Variants in ADARB1 observed in about 807,000 individuals in gnomAD.
ADARB1 encodes the protein double-stranded RNA-specific editase 1.
A neutral mutation model predicts 52.4 loss-of-function variants in ADARB1; 10 were observed. The ratio of observed to expected loss-of-function variants is 0.19; its 90% CI spans 0.12 to 0.32. ADARB1 has a LOEUF of 0.32. Among genes scored for constraint, ADARB1 ranks in the 10% least tolerant of loss-of-function variants. The pLI, the probability that ADARB1 is intolerant of heterozygous loss-of-function variation, is 1.00. For missense variants in ADARB1, 643 were observed against 922.3 expected (o/e 0.70, Z 3.92); for synonymous variants, 349 against 371.1 (o/e 0.94, Z 0.68).
chr21:45,085,229 C>T (rs1375556379), intron 1 of ADARB1, among the ~76,000 whole-genome samples: 2 of 152,198 alleles, frequency 1.3e-5, no homozygotes, highest in Non-Finnish European at 2.9e-5. Context: ...TGCACCCTGG[C>T]TGTGAGAACA....
In ADARB1 at chr21:45,116,114, G is replaced by T. The variant is rs144245800; in HGVS notation, c.-219-12288G>T. On this transcript the variant is annotated intron_variant, in intron 1 of 10. Coordinates refer to ENST00000348831, the MANE Select transcript of ADARB1 (RefSeq NM_001112.4). ...GCTTTCGGGGATGCTGATTAAGGTG[G>T]TATCTGCTGTGCCTCTCTCAGTGTC... Among the ~76,000 whole-genome samples the T allele has an allele frequency of 3.4e-3, 519 of 152,334 alleles. 1 individual carries two copies. The highest frequency in any genetic ancestry group is 5.9e-3 in the Non-Finnish European group (404 of 68,034).
At chr21:45,170,419 G>T (rs1421887005) in intron 2 of ADARB1, among the ~76,000 whole-genome samples, 2 of 152,150 alleles carry the variant, frequency 1.3e-5, no homozygotes, top group Middle Eastern at 3.2e-3. Context: ...TCTTGAAATA[G>T]TTAATGACTA....
chr21:45,220,753 G>A lies in ADARB1; in HGVS notation c.1748-83G>A, dbSNP rs2092949558. 2 of 1,481,728 alleles carry A rather than the reference G, an allele frequency of 1.3e-6. No individual in the cohort carries two copies. The highest frequency in any genetic ancestry group is 2.3e-5 in the East Asian group (1 of 43,844). 91.8% of individuals were successfully genotyped at this position (1,481,728 alleles called of 1,614,324 possible). On this transcript the variant is annotated intron_variant, in intron 9 of 10. Transcript: ENST00000348831. This position sits in a 1 kb window ranked among gnomAD's most constrained non-coding sequence, Gnocchi z 6.3. ...ACCACGCACTTCTGTGGCCATGTCT[G>A]AGCACAGTGTGCCGCCCGTGGCTGC...
In ADARB1 at chr21:45,106,719, A is replaced by G. The variant is rs116825390; in HGVS notation, c.-219-21683A>G. 3.5e-3 allele frequency among the ~76,000 whole-genome samples: 530 copies of G among 152,358 alleles called. 4 individuals carry two copies. Among genetic ancestry groups the G allele is most frequent in the African/African-American group, 0.012 (480 of 41,580 alleles). On this transcript the variant is annotated intron_variant, in intron 1 of 10. Coordinates refer to ENST00000348831, the MANE Select transcript of ADARB1 (RefSeq NM_001112.4). ...TTAAACAAGAGCCAGAAAGGTAAAG[A>G]AGGTATTGTTGAGAACAAATACGGC...
chr21:45,105,705 T>A (rs1476799383), intron 1 of ADARB1, among the ~76,000 whole-genome samples: 1 of 152,258 alleles, frequency 6.6e-6, no homozygotes, highest in African/African-American at 2.4e-5. Flanking sequence ...CACACATATA[T>A]GAGTGTATTT....
chr21:45,178,897 C>T (rs1174037793), intron 4 of ADARB1, among the ~76,000 whole-genome samples: 1 of 152,154 alleles, frequency 6.6e-6, no homozygotes, highest in East Asian at 1.9e-4. Context: ...AGCATCAGCC[C>T]CAGCACCAGA....
chr21:45,222,136 C>T lies in ADARB1; in HGVS notation c.2045C>T (p.Ala682Val), dbSNP rs1323703791. 6.2e-7 allele frequency: 1 copy of T among 1,610,524 alleles called. No homozygotes were observed. The highest frequency in any genetic ancestry group is 8.5e-7 in the Non-Finnish European group (1 of 1,178,710). ...KARLFTAFIK[A>V]GLGAWVEKPT... is the part of the protein sequence containing the mutation. ...CGTCTGTTCACAGCCTTCATCAAGG[C>T]GGGGCTGGGGGCCTGGGTGGAGAAG... The change falls in exon 11 of 11, where the codon GCG (alanine) becomes GTG (valine). Residue 682 changes from alanine (A) to valine (V), a missense_variant. By Grantham distance (64) the Ala-to-Val change is moderately conservative. Around this residue, in one of 2 missense-constraint regions of ADARB1, gnomAD observed 263 missense variants for 475.8 expected, o/e 0.55. Coordinates refer to ENST00000348831, the MANE Select transcript of ADARB1 (RefSeq NM_001112.4).
chr21:45,170,182 A>G (rs1186611877), intron 2 of ADARB1, among the ~76,000 whole-genome samples: 1 of 152,184 alleles, frequency 6.6e-6, no homozygotes, highest in African/African-American at 2.4e-5. Flanking sequence ...TTCTCACCAC[A>G]CTGAATTATT....
chr21:45,221,091 TA>T lies in ADARB1; in HGVS notation c.1926+79del. ...GTCTGTCCTCACACCTACTGTTCCT[TA>T]AGTTGTTTCATCATGTCATCATGCA... On this transcript the variant is annotated intron_variant, in intron 10 of 10. Transcript: ENST00000348831. This position sits in a 1 kb window ranked among gnomAD's most constrained non-coding sequence, Gnocchi z 4.9. 1 of 1,463,860 alleles carries T rather than the reference TA, an allele frequency of 6.8e-7. No individual in the cohort carries two copies. The highest frequency in any genetic ancestry group is 9.1e-7 in the Non-Finnish European group (1 of 1,093,358). 90.7% of individuals were successfully genotyped at this position (1,463,860 alleles called of 1,614,324 possible). A position where few individuals can be genotyped will look rare whatever the true frequency, so the allele number is the denominator to read the frequency against.
chr21:45,181,317 C>G (rs1216152781), intron 5 of ADARB1, among the ~76,000 whole-genome samples: 1 of 152,194 alleles, frequency 6.6e-6, no homozygotes, highest in Non-Finnish European at 1.5e-5. Flanking sequence ...CTCTTGCTGC[C>G]CTAGGAAACC....
intron 8 of ADARB1, among the ~76,000 whole-genome samples, chr21:45,190,314 T>C (rs894072772): frequency 3.3e-5 from 5 of 152,220 alleles, no homozygotes; most frequent in African/African-American, 1.2e-4. Context: ...ATCTCTTTGT[T>C]GATATGCTCA....
chr21:45,135,067 C>A (rs774359381), intron 2 of ADARB1, among the ~76,000 whole-genome samples: 2 of 152,208 alleles, frequency 1.3e-5, no homozygotes, highest in Non-Finnish European at 2.9e-5. Context: ...AAGGAAGAAT[C>A]TGCAACAGAG....
At chr21:45,154,808 C>G (rs922261683) in intron 2 of ADARB1, among the ~76,000 whole-genome samples, 2 of 152,234 alleles carry the variant, frequency 1.3e-5, no homozygotes. Flanking sequence ...CTGGCAGATG[C>G]TGCCAGCACG....
intron 2 of ADARB1, among the ~76,000 whole-genome samples, chr21:45,168,546 A>G (rs2091346808): frequency 6.6e-6 from 1 of 152,214 alleles, no homozygotes. Context: ...AGTTGCCCCA[A>G]TAAGGCTGTG....
intron 1 of ADARB1, among the ~76,000 whole-genome samples, chr21:45,105,622 G>A (rs919605637): frequency 6.6e-6 from 1 of 152,306 alleles, no homozygotes; most frequent in Non-Finnish European, 1.5e-5. Flanking sequence ...GAATTATTTT[G>A]AACACTAAAG....
intron 2 of ADARB1, among the ~76,000 whole-genome samples, chr21:45,166,637 G>C (rs541572976): frequency 2.0e-5 from 3 of 152,288 alleles, no homozygotes; most frequent in African/African-American, 7.2e-5. Flanking sequence ...CTTTGGTTCA[G>C]AGTTTTCCTG....
At chr21:45,187,406 T>A (rs2092144453) in intron 8 of ADARB1, among the ~76,000 whole-genome samples, 1 of 152,222 alleles carries the variant, frequency 6.6e-6, no homozygotes, top group Non-Finnish European at 1.5e-5. Flanking sequence ...TTAAACAGTT[T>A]TATGGAATCT....
rs141352335 is a variant in ADARB1, at chr21:45,110,458, C to T, written c.-219-17944C>T. Reference sequence around the variant, plus strand: ...CCGCGTTGTCAAAGAGCCAGTGAGGCGGGGGTGTGGAGAATTTGTTTGCCC... The same window carrying T: ...CCGCGTTGTCAAAGAGCCAGTGAGGTGGGGGTGTGGAGAATTTGTTTGCCC... On this transcript the variant is annotated intron_variant, in intron 1 of 10. Transcript: ENST00000348831. Among the ~76,000 whole-genome samples, 43 of 152,254 alleles carry T rather than the reference C, an allele frequency of 2.8e-4. 2 individuals carry two copies. The East Asian group carries it at 7.1e-3, about 25-fold the overall frequency.
In ADARB1 at chr21:45,220,676, G is replaced by C. The variant is rs374164628; in HGVS notation, c.1748-160G>C. Among the ~76,000 whole-genome samples, 4 of 152,176 alleles carry C rather than the reference G, an allele frequency of 2.6e-5. No homozygotes were observed. Among genetic ancestry groups the C allele is most frequent in the Non-Finnish European group, 5.9e-5 (4 of 68,022 alleles). ...TGGAAGAGTGTGAGGCCACTGCCAC[G>C]GCAGATGCACGCTCAAGTCTGCGTA... On this transcript the variant is annotated intron_variant, in intron 9 of 10. Transcript: ENST00000348831. The surrounding 1 kb of genome is among the most constrained non-coding windows in gnomAD (Gnocchi z 6.3).
Sources: gnomAD v4.1 joint callset for allele counts (sites outside exome capture counted in the v4.1 genomes callset) on GRCh38, gnomAD v4.1.1 for gene constraint, gnomAD v4.1.1 regional missense constraint, Gnocchi (gnomAD v3.1) non-coding constraint, MANE v1.5 for transcripts, NCBI Gene and HGNC (gene_info 2026-07-23, HGNC 2026-07-21) for gene names.